ELMO1: variants seen among roughly 807,000 people sequenced by gnomAD.
The protein encoded by ELMO1 is engulfment and cell motility protein 1.
In ELMO1, 26 loss-of-function variants were observed where a neutral mutation model predicts 98.9. That is an observed-to-expected ratio of 0.26 (90% CI 0.19 to 0.36). The LOEUF (loss-of-function observed/expected upper bound fraction) is 0.36, where lower values mean the gene tolerates loss of function less well. ELMO1 is among the 10% of genes least tolerant of loss of function. ELMO1 has a pLI of 1.00. For synonymous variants in ELMO1, 346 were observed against 346.0 expected (o/e 1.00, Z 0.00); for missense variants, 627 against 935.2 (o/e 0.67, Z 4.30).
chr7:37,335,659 AG>A (rs1435797358), intron 2 of ELMO1, among the ~76,000 whole-genome samples: 5 of 152,182 alleles, frequency 3.3e-5, no homozygotes, highest in Admixed American at 1.3e-4. Flanking sequence ...GGAGTGAGCG[AG>A]GGGTGCCCGG....
chr7:37,260,658 G>C (rs1330765431), intron 5 of ELMO1, among the ~76,000 whole-genome samples: 2 of 152,184 alleles, frequency 1.3e-5, no homozygotes, highest in Non-Finnish European at 2.9e-5. Flanking sequence ...TAGGACCCGA[G>C]ACAGGGATAG....
At chr7:37,101,473 G>C (rs1584644614) in intron 14 of ELMO1, among the ~76,000 whole-genome samples, 1 of 152,088 alleles carries the variant, frequency 6.6e-6, no homozygotes, top group Non-Finnish European at 1.5e-5. Context: ...TTTATACTAT[G>C]GTCTAAATAG....
chr7:37,259,097 G>A (rs981514658), intron 6 of ELMO1, 84 bp downstream of exon 6: 29 of 1,440,146 alleles, frequency 2.0e-5, no homozygotes, highest in Non-Finnish European at 2.7e-5. Context: ...TTAAAACAGA[G>A]TTTGCAAGTG....
intron 15 of ELMO1, among the ~76,000 whole-genome samples, chr7:37,063,778 C>G (rs1796795610): frequency 6.6e-6 from 1 of 152,112 alleles, no homozygotes; most frequent in Non-Finnish European, 1.5e-5. Flanking sequence ...TCACCAGAAT[C>G]AGCACATTGC....
intron 13 of ELMO1, among the ~76,000 whole-genome samples, chr7:37,159,492 G>A (rs1789044153): frequency 6.6e-6 from 1 of 152,142 alleles, no homozygotes; most frequent in South Asian, 2.1e-4. Context: ...CCTGAGGTCA[G>A]GAGTTCAAGA....
At chr7:36,865,093 G>A (rs907225970) in intron 20 of ELMO1, among the ~76,000 whole-genome samples, 10 of 152,188 alleles carry the variant, frequency 6.6e-5, no homozygotes, top group Admixed American at 1.3e-4. Context: ...GGAACCGACT[G>A]ATAACAAGAG....
chr7:37,339,511 G>A (rs1396089375), intron 2 of ELMO1, among the ~76,000 whole-genome samples: 1 of 152,226 alleles, frequency 6.6e-6, no homozygotes, highest in South Asian at 2.1e-4. Flanking sequence ...AAGCTAACAT[G>A]CTATGGGAGA....
chr7:36,868,595 G>A (rs988428631), intron 20 of ELMO1, among the ~76,000 whole-genome samples: 10 of 152,056 alleles, frequency 6.6e-5, no homozygotes, highest in Non-Finnish European at 1.3e-4. Flanking sequence ...TGATCCGCCC[G>A]CCTTGGCCTT....
intron 13 of ELMO1, among the ~76,000 whole-genome samples, chr7:37,184,057 C>T (rs773657916): frequency 3.9e-5 from 6 of 152,120 alleles, no homozygotes; most frequent in Non-Finnish European, 8.8e-5. Context: ...TTATCACAGT[C>T]GTTTTGAACC....
chr7:36,897,229 T>C (rs1806083271), intron 16 of ELMO1, among the ~76,000 whole-genome samples: 1 of 152,038 alleles, frequency 6.6e-6, no homozygotes, highest in Middle Eastern at 3.2e-3. Context: ...CATGCTCTCT[T>C]TCCCTCAAAT....
At chr7:37,281,343 T>C (rs751699885) in intron 4 of ELMO1, among the ~76,000 whole-genome samples, 1 of 152,018 alleles carries the variant, frequency 6.6e-6, no homozygotes, top group Non-Finnish European at 1.5e-5. Flanking sequence ...AACTTACTCA[T>C]GTAACCAAAT....
At chr7:36,858,686 G>T (rs763843845) in intron 21 of ELMO1, among the ~76,000 whole-genome samples, 9 of 151,764 alleles carry the variant, frequency 5.9e-5, no homozygotes, top group Admixed American at 2.0e-4. Context: ...CAGAGTCAGA[G>T]AAGTGAGAGG....
chr7:37,377,286 T>G (rs1802390583), intron 1 of ELMO1, among the ~76,000 whole-genome samples: 1 of 151,882 alleles, frequency 6.6e-6, no homozygotes, highest in East Asian at 1.9e-4. Context: ...TAGTTAAAAA[T>G]CTCTATAACC....
At chr7:36,970,180 AACACACACACACACACACACACAC>A (rs56928749) in intron 16 of ELMO1, among the ~76,000 whole-genome samples, 1 of 144,242 alleles carries the variant, frequency 6.9e-6, no homozygotes, top group East Asian at 2.0e-4. Flanking sequence ...TCATACACTT[AACACACACACACACACACACACAC>A]ACACACACAC....
At chr7:36,912,136 C>A (rs1784385888) in intron 16 of ELMO1, among the ~76,000 whole-genome samples, 1 of 152,204 alleles carries the variant, frequency 6.6e-6, no homozygotes, top group Admixed American at 6.5e-5. Context: ...GTGAAGCTTG[C>A]TGGCATTTAT....
intron 1 of ELMO1, among the ~76,000 whole-genome samples, chr7:37,350,837 C>G (rs1356032354): frequency 6.6e-6 from 1 of 152,186 alleles, no homozygotes; most frequent in Non-Finnish European, 1.5e-5. Flanking sequence ...AATCTGAACA[C>G]AGAAGGTACA....
chr7:37,325,442 C>T (rs1799748747), intron 2 of ELMO1, among the ~76,000 whole-genome samples: 1 of 152,054 alleles, frequency 6.6e-6, no homozygotes, highest in East Asian at 1.9e-4. Context: ...CATGGAGGCT[C>T]AGGGGAGCAG....
chr7:37,148,029 G>A (rs766187765), intron 13 of ELMO1, among the ~76,000 whole-genome samples: 5 of 152,134 alleles, frequency 3.3e-5, no homozygotes, highest in Non-Finnish European at 5.9e-5. Context: ...TTTGTCCTGA[G>A]CAATACTGTA....
chr7:37,092,366 CTTT>C (rs537388417), intron 15 of ELMO1, among the ~76,000 whole-genome samples: 17 of 68,908 alleles, frequency 2.5e-4, no homozygotes, highest in Admixed American at 7.1e-4. Context: ...TACCCATATT[CTTT>C]TTTTTTTTTT....
Sources: gnomAD v4.1 joint callset for allele counts (sites outside exome capture counted in the v4.1 genomes callset) on GRCh38, gnomAD v4.1.1 for gene constraint, MANE v1.5 for transcripts, NCBI Gene and HGNC (gene_info 2026-07-23, HGNC 2026-07-21) for gene names.